The following KPNA3 variants were observed in gnomAD, a reference collection of about 807,000 sequenced individuals.
KPNA3 encodes the protein karyopherin subunit alpha 3.
A neutral mutation model predicts 73.8 loss-of-function variants in KPNA3; 13 were observed. That is an observed-to-expected ratio of 0.18 (90% CI 0.11 to 0.28). The LOEUF (loss-of-function observed/expected upper bound fraction) is 0.28. Among genes scored for constraint, KPNA3 ranks in the 10% least tolerant of loss-of-function variants. The probability of loss-of-function intolerance (pLI) is 1.00; values close to 1 mark genes in which losing one functional copy is unlikely to be tolerated. For synonymous variants in KPNA3, 186 were observed against 206.9 expected (o/e 0.90, Z 0.87); for missense variants, 360 against 618.1 (o/e 0.58, Z 4.43).
At chr13:49,781,847 C>T (rs547261168) in intron 1 of KPNA3, among the ~76,000 whole-genome samples, 1 of 152,230 alleles carries the variant, frequency 6.6e-6, no homozygotes, top group South Asian at 2.1e-4. Flanking sequence ...CAGCAACTGA[C>T]TTGGGTAAAT....
rs201836074 is a variant in KPNA3, at chr13:49,705,580, T to G, written c.1372+41A>C. 2.0e-4 allele frequency: 311 copies of G among 1,584,728 alleles called. 2 individuals are homozygous for G. In the African/African-American group the frequency reaches 3.8e-3, roughly 19 times the overall value. On this transcript the variant is annotated intron_variant, in intron 15 of 16. Transcript: ENST00000261667. ...CTTTAAAGAACTTATGTTTCAGAGT[T>G]CCAGTGCTCAAATACTCTTCTTCCA...
At chr13:49,726,854 G>C (rs1054870822) in intron 6 of KPNA3, among the ~76,000 whole-genome samples, 2 of 152,046 alleles carry the variant, frequency 1.3e-5, no homozygotes, top group African/African-American at 4.8e-5. Context: ...GGGCGGGGGT[G>C]GGATGGGGGG....
chr13:49,740,816 C>G (rs534430257), intron 2 of KPNA3, among the ~76,000 whole-genome samples: 33 of 152,230 alleles, frequency 2.2e-4, no homozygotes, highest in Admixed American at 5.2e-4. Flanking sequence ...CTGTACCCCC[C>G]ACCCCTGGCC....
chr13:49,788,942 T>G (rs899526226), intron 1 of KPNA3, among the ~76,000 whole-genome samples: 1 of 152,082 alleles, frequency 6.6e-6, no homozygotes, highest in Non-Finnish European at 1.5e-5. Context: ...TAAAGAGAAT[T>G]TGAAGGAGGA....
intron 1 of KPNA3, among the ~76,000 whole-genome samples, chr13:49,764,059 C>T: frequency 8.6e-6 from 1 of 115,832 alleles, no homozygotes. Context: ...AGAGAGAGAC[C>T]CTGTCTCAAA....
chr13:49,747,929 C>G (rs1165634388), intron 1 of KPNA3, among the ~76,000 whole-genome samples: 1 of 152,134 alleles, frequency 6.6e-6, no homozygotes, highest in African/African-American at 2.4e-5. Flanking sequence ...AAGTGGCTCA[C>G]TCTCTCCTAG....
rs913579356 is a variant in KPNA3 at position 49,700,600 on chromosome 13, G to A, written c.*1200C>T. On this transcript the variant is annotated 3_prime_UTR_variant, in exon 17 of 17. Transcript: ENST00000261667. ...GATCCCTGTCTGAATCTTTTAATAT[G>A]TGAAGATGCTTTTTGAGTAGGATCT... is the stretch of plus-strand genomic sequence containing the variant. 5 of 152,584 alleles carry A rather than the reference G, an allele frequency of 3.3e-5. No individual in the cohort carries two copies. The highest frequency in any genetic ancestry group is 1.2e-4 in the African/African-American group (5 of 41,438). 9.5% of individuals were successfully genotyped at this position (152,584 alleles called of 1,614,324 possible).
chr13:49,779,527 A>G (rs1397640436), intron 1 of KPNA3, among the ~76,000 whole-genome samples: 1 of 150,862 alleles, frequency 6.6e-6, no homozygotes, highest in African/African-American at 2.4e-5. Flanking sequence ...TTCCCCAACA[A>G]CTCCCTACTT....
chr13:49,787,583 T>C (rs1441402414), intron 1 of KPNA3, among the ~76,000 whole-genome samples: 1 of 152,188 alleles, frequency 6.6e-6, no homozygotes, highest in Non-Finnish European at 1.5e-5. Flanking sequence ...CACAGCTCAT[T>C]GTAACCTCTG....
intron 2 of KPNA3, among the ~76,000 whole-genome samples, chr13:49,743,497 TTTAG>T: frequency 6.6e-6 from 1 of 152,288 alleles, no homozygotes; most frequent in East Asian, 1.9e-4. Context: ...TTGAGATTTC[TTTAG>T]TTAATTTCAT....
intron 10 of KPNA3, among the ~76,000 whole-genome samples, chr13:49,717,625 G>A (rs1207171014): frequency 6.6e-6 from 1 of 152,060 alleles, no homozygotes; most frequent in Non-Finnish European, 1.5e-5. Context: ...TATATGACAT[G>A]AGACAAATTA....
chr13:49,701,072 T>C lies in KPNA3; in HGVS notation c.*728A>G, dbSNP rs61959940. Reference sequence around the variant, plus strand: ...ACACAGGCTGAAGAGAGTGGTCAAATAGGGCTTGCTGTTCTCAAAAATTAG... The same window carrying C: ...ACACAGGCTGAAGAGAGTGGTCAAACAGGGCTTGCTGTTCTCAAAAATTAG... On this transcript the variant is annotated 3_prime_UTR_variant, in exon 17 of 17. Transcript: ENST00000261667. 3.5e-3 allele frequency: 549 copies of C among 156,840 alleles called. 2 individuals are homozygous for C. Among genetic ancestry groups the C allele is most frequent in the Non-Finnish European group, 5.4e-3 (386 of 70,930 alleles). 9.7% of individuals were successfully genotyped at this position (156,840 alleles called of 1,614,324 possible).
chr13:49,792,439 T>TCC lies in KPNA3; in HGVS notation c.66_67dup (p.Glu23GlyfsTer11). On this transcript the variant is annotated frameshift_variant and splice_region_variant, in exon 1 of 17. Coordinates refer to ENST00000261667, the MANE Select transcript of KPNA3 (RefSeq NM_002267.4). LOFTEE classifies it high-confidence loss of function. ...CCCAGACCGCGGAAGCACACTCACT[T>TCC]CCACATCGCGGCCCTTGTTCTTGAA... 6.4e-7 allele frequency: 1 copy of TCC among 1,573,052 alleles called. No homozygotes were observed. The highest frequency in any genetic ancestry group is 8.6e-7 in the Non-Finnish European group (1 of 1,161,582).
intron 2 of KPNA3, among the ~76,000 whole-genome samples, chr13:49,746,517 A>T (rs897054321): frequency 6.6e-6 from 1 of 152,222 alleles, no homozygotes; most frequent in African/African-American, 2.4e-5. Flanking sequence ...TGATGAAGGT[A>T]ACTCTAAAAT....
At chr13:49,755,119 T>C (rs1220046317) in intron 1 of KPNA3, among the ~76,000 whole-genome samples, 5 of 151,756 alleles carry the variant, frequency 3.3e-5, no homozygotes, top group South Asian at 2.1e-4. Flanking sequence ...TGACTGCAGA[T>C]ACAAAAATCC....
At chr13:49,746,829 G>A in intron 2 of KPNA3, 120 bp downstream of exon 2, 1 of 686,368 alleles carries the variant, frequency 1.5e-6, no homozygotes. Flanking sequence ...AAAGTATCCA[G>A]TGATGTGTGG....
intron 10 of KPNA3, among the ~76,000 whole-genome samples, chr13:49,717,932 TCTTAC>T (rs1954320402): frequency 1.3e-5 from 2 of 152,228 alleles, no homozygotes. Context: ...CACTGCTCTA[TCTTAC>T]CTTTTTTCTT....
At chr13:49,721,810 A>G (rs897738321) in intron 9 of KPNA3, 145 bp downstream of exon 9, 1 of 497,134 alleles carries the variant, frequency 2.0e-6, no homozygotes, top group Non-Finnish European at 3.3e-6. Flanking sequence ...ACAGAGCAAG[A>G]CTCCGTTATC....
chr13:49,719,179 T>C (rs1954332315), intron 10 of KPNA3, among the ~76,000 whole-genome samples: 2 of 152,144 alleles, frequency 1.3e-5, no homozygotes, highest in African/African-American at 4.8e-5. Flanking sequence ...TCACTAAATC[T>C]GAATATAATG....
Sources: allele counts gnomAD v4.1 joint callset (sites outside exome capture counted in the v4.1 genomes callset), GRCh38; gene constraint gnomAD v4.1.1; transcripts MANE v1.5; gene names NCBI Gene and HGNC (gene_info 2026-07-23, HGNC 2026-07-21).